CEP192: variants seen among roughly 807,000 people sequenced by gnomAD.
CEP192 encodes centrosomal protein 192.
A neutral mutation model predicts 271.8 loss-of-function variants in CEP192; 151 were observed. That is an observed-to-expected ratio of 0.56 (90% confidence interval 0.49 to 0.64). CEP192 has a LOEUF of 0.64. Among genes scored for constraint, CEP192 ranks in the 30% least tolerant of loss-of-function variants. The pLI is 0.00. For synonymous variants in CEP192, 995 were observed against 1,076.5 expected (o/e 0.92, Z 1.48); for missense variants, 2,910 against 3,020.5 (o/e 0.96, Z 0.86).
At chr18:13,080,108 T>C (rs927454946) in intron 30 of CEP192, among the ~76,000 whole-genome samples, 1 of 152,226 alleles carries the variant, frequency 6.6e-6, no homozygotes, top group African/African-American at 2.4e-5. Context: ...AGGATTGTCT[T>C]GGCAGTGCAG....
intron 21 of CEP192, among the ~76,000 whole-genome samples, chr18:13,064,218 A>G (rs2037564601): frequency 6.6e-6 from 1 of 152,136 alleles, no homozygotes; most frequent in South Asian, 2.1e-4. Flanking sequence ...ACAGGAGTCT[A>G]GTTTCACTCT....
chr18:13,018,744 G>C, intron 8 of CEP192, 129 bp downstream of exon 8: 2 of 639,680 alleles, frequency 3.1e-6, no homozygotes, highest in Admixed American at 3.8e-5. Flanking sequence ...TCTTTAGACA[G>C]TCTAAAACTT....
chr18:13,056,118 C>T lies in CEP192; in HGVS notation c.3528C>T (p.Ser1176=). Residue 1176 remains serine, a synonymous_variant, in exon 19 of 45, where the codon AGC becomes AGT. Transcript: ENST00000506447. ...CTCTCCTGGGCAAGTCAGGTCTGAGCTGTCAGGTGGGGTCAGCCACATCAC... is the reference window on the plus strand; with the variant it reads ...CTCTCCTGGGCAAGTCAGGTCTGAGTTGTCAGGTGGGGTCAGCCACATCAC... The part of the protein sequence containing the change: ...RLALLGKSGL[S]CQVGSATSHP... The T allele has an allele frequency of 6.2e-7, 1 of 1,612,928 alleles. No homozygotes were observed. Among genetic ancestry groups the T allele is most frequent in the Non-Finnish European group, 8.5e-7 (1 of 1,179,312 alleles).
intron 44 of CEP192, among the ~76,000 whole-genome samples, chr18:13,120,349 T>C (rs781718032): frequency 1.4e-4 from 21 of 152,228 alleles, no homozygotes; most frequent in Non-Finnish European, 2.4e-4. Context: ...ACTTTTGAGA[T>C]ATGAAATGTG....
chr18:13,088,010 A>G (rs1194801380), intron 32 of CEP192, among the ~76,000 whole-genome samples: 1 of 152,238 alleles, frequency 6.6e-6, no homozygotes, highest in Non-Finnish European at 1.5e-5. Flanking sequence ...CTACTGAATG[A>G]TTATATTGTA....
chr18:13,087,094 A>G lies in CEP192; in HGVS notation c.5694A>G (p.Val1898=), dbSNP rs779390671. 5.6e-6 allele frequency: 9 copies of G among 1,613,682 alleles called. No individual in the cohort carries two copies. Among genetic ancestry groups the G allele is most frequent in the Non-Finnish European group, 6.8e-6 (8 of 1,179,692 alleles). ...AAAAATTATCTGACAGTTACATGGTAACAGTGAATGGCTTAGTACCTGGCA... is the reference window on the plus strand; with the variant it reads ...AAAAATTATCTGACAGTTACATGGTGACAGTGAATGGCTTAGTACCTGGCA... ...GVKKLSDSYM[V]TVNGLVPGKE... Residue 1898 remains valine, a synonymous_variant, in exon 31 of 45, where the codon GTA becomes GTG. Coordinates refer to ENST00000506447, the MANE Select transcript of CEP192 (RefSeq NM_032142.4).
At chr18:13,023,529 T>G (rs2035116163) in intron 9 of CEP192, among the ~76,000 whole-genome samples, 1 of 152,002 alleles carries the variant, frequency 6.6e-6, no homozygotes, top group South Asian at 2.1e-4. Context: ...GTTTTTTTTG[T>G]AGTCTGTAAA....
intron 36 of CEP192, among the ~76,000 whole-genome samples, chr18:13,098,784 C>T (rs1306130205): frequency 2.6e-5 from 4 of 152,134 alleles, no homozygotes; most frequent in South Asian, 2.1e-4. Flanking sequence ...GGGTGGCGGC[C>T]GGGCAGAGGC....
chr18:13,110,144 A>C (rs1568433675), intron 40 of CEP192, among the ~76,000 whole-genome samples: 1 of 152,382 alleles, frequency 6.6e-6, no homozygotes, highest in East Asian at 1.9e-4. Flanking sequence ...AGTTGTAATT[A>C]AAATCTAAAT....
chr18:13,104,926 T>C, intron 39 of CEP192, 58 bp from the exon 40 acceptor site: 1 of 1,242,800 alleles, frequency 8.0e-7, no homozygotes, highest in Non-Finnish European at 1.2e-6. Flanking sequence ...ATAGTGTCTC[T>C]GTGGGATTTA....
chr18:13,003,525 G>C (rs2033789788), intron 3 of CEP192, among the ~76,000 whole-genome samples: 1 of 151,950 alleles, frequency 6.6e-6, no homozygotes, highest in Non-Finnish European at 1.5e-5. Flanking sequence ...GACGCCAGGG[G>C]GAAGCAGACT....
At chr18:13,031,670 A>C (rs895735623) in intron 11 of CEP192, among the ~76,000 whole-genome samples, 6 of 152,190 alleles carry the variant, frequency 3.9e-5, no homozygotes, top group Non-Finnish European at 7.3e-5. Flanking sequence ...GTAGTATGCC[A>C]GTCCTTAAGA....
rs1259704429 is a variant in CEP192, at chr18:13,049,301, C to G, written c.2510C>G (p.Pro837Arg). ...GCTACTAGTGTAAGTGTGAGGGCACCAGAAGAAAACACAGCAGCTATTGTT... is the reference window on the plus strand; with the variant it reads ...GCTACTAGTGTAAGTGTGAGGGCACGAGAAGAAAACACAGCAGCTATTGTT... ...LSATSVSVRA[P>R]EENTAAIVYV... Residue 837 changes from proline (P) to arginine (R), a missense_variant, in exon 16 of 45, where the codon CCA (proline) becomes CGA (arginine). Physicochemically the swap from Pro to Arg is moderately radical, Grantham distance 103. Transcript: ENST00000506447. The G allele has an allele frequency of 9.9e-6, 16 of 1,613,930 alleles. No homozygotes were observed. The highest frequency in any genetic ancestry group is 1.1e-5 in the Non-Finnish European group (13 of 1,179,960).
In CEP192 at chr18:13,068,140, G is replaced by C; in HGVS notation, c.4661G>C (p.Arg1554Pro). Residue 1554 changes from arginine to proline, a missense_variant, in exon 23 of 45, where the codon CGA becomes CCA. Transcript: ENST00000506447. ...RCFTFSKESV[R>P]APVEVAPCAD... The stretch of plus-strand genomic sequence containing the variant: ...TTCACGTTTTCCAAGGAATCCGTCC[G>C]AGCTCCTGTGGAAGTTGCTCCTTGC... 6.2e-7 allele frequency: 1 copy of C among 1,614,158 alleles called. No individual in the cohort carries two copies. The highest frequency in any genetic ancestry group is 8.5e-7 in the Non-Finnish European group (1 of 1,179,998).
chr18:13,008,147 T>C (rs2034094556), intron 3 of CEP192, among the ~76,000 whole-genome samples: 2 of 152,224 alleles, frequency 1.3e-5, no homozygotes, highest in Admixed American at 1.3e-4. Context: ...AGCTGAATTA[T>C]GTAGATTGGT....
intron 3 of CEP192, among the ~76,000 whole-genome samples, chr18:13,002,360 C>T (rs923554413): frequency 1.3e-5 from 2 of 152,094 alleles, no homozygotes; most frequent in African/African-American, 4.8e-5. Flanking sequence ...GTTCAGTTTT[C>T]AATTACAATT....
intron 12 of CEP192, among the ~76,000 whole-genome samples, chr18:13,037,866 G>A (rs545570033): frequency 8.4e-4 from 127 of 152,082 alleles, no homozygotes; most frequent in African/African-American, 3.0e-3. Context: ...TATTTCTATA[G>A]TTTTAAAATA....
intron 21 of CEP192, among the ~76,000 whole-genome samples, chr18:13,060,035 A>G (rs918497694): frequency 1.3e-5 from 2 of 152,248 alleles, no homozygotes; most frequent in African/African-American, 4.8e-5. Flanking sequence ...TGCAGAATAG[A>G]GGAAAAGCAG....
At chr18:13,004,152 G>A (rs903436493) in intron 3 of CEP192, among the ~76,000 whole-genome samples, 1 of 152,192 alleles carries the variant, frequency 6.6e-6, no homozygotes, top group African/African-American at 2.4e-5. Context: ...GTAGGGACAG[G>A]CACCATGGCC....
Sources: allele counts gnomAD v4.1 joint callset (sites outside exome capture counted in the v4.1 genomes callset), GRCh38; gene constraint gnomAD v4.1.1; transcripts MANE v1.5; gene names NCBI Gene and HGNC (gene_info 2026-07-23, HGNC 2026-07-21).